The following PBX3 variants were observed in gnomAD, a reference collection of about 807,000 sequenced individuals.
PBX3 encodes pre-B-cell leukemia transcription factor 3.
Under a neutral mutation model 48.5 loss-of-function variants are expected in PBX3, and 14 were observed. That is an observed-to-expected ratio of 0.29 (90% CI 0.19 to 0.45). The LOEUF (loss-of-function observed/expected upper bound fraction) is 0.45, where lower values mean the gene tolerates loss of function less well. Among genes scored for constraint, PBX3 ranks in the 20% least tolerant of loss-of-function variants. The pLI, the probability that PBX3 is intolerant of heterozygous loss-of-function variation, is 1.00. For synonymous variants in PBX3, 210 were observed against 200.3 expected (o/e 1.05, Z -0.41); for missense variants, 386 against 546.7 (o/e 0.71, Z 2.93).
At position 125,772,701 on chromosome 9, in the gene PBX3, C is replaced by T. The variant is rs149729291; in HGVS notation, c.274+24078C>T. 8.9e-4 allele frequency among the ~76,000 whole-genome samples: 135 copies of T among 152,284 alleles called. No homozygotes were observed. In the Middle Eastern group the frequency reaches 0.024, roughly 27 times the overall value. ...TGTATGTACAGGACCTAATGTGATA[C>T]GTGGTATGTAATAGATGCTTAATAA... On this transcript the variant is annotated intron_variant, in intron 2 of 8. Transcript: ENST00000373489.
chr9:125,870,566 G>A (rs1438009492), intron 2 of PBX3, among the ~76,000 whole-genome samples: 1 of 152,118 alleles, frequency 6.6e-6, no homozygotes, highest in Non-Finnish European at 1.5e-5. Context: ...ACCCACTCCC[G>A]TGATTCAGTT....
At chr9:125,804,947 T>TAAA (rs547253775) in intron 2 of PBX3, among the ~76,000 whole-genome samples, 7 of 53,478 alleles carry the variant, frequency 1.3e-4, no homozygotes, top group Non-Finnish European at 1.9e-4. Flanking sequence ...GGCTCTGTCT[T>TAAA]AAAAAAAAAA....
chr9:125,879,234 C>T (rs1453747461), intron 2 of PBX3, among the ~76,000 whole-genome samples: 1 of 151,904 alleles, frequency 6.6e-6, no homozygotes, highest in Non-Finnish European at 1.5e-5. Context: ...CACTCCACCA[C>T]GCCCGGCTAA....
At chr9:125,874,137 TC>T (rs1170684827) in intron 2 of PBX3, among the ~76,000 whole-genome samples, 2 of 152,112 alleles carry the variant, frequency 1.3e-5, no homozygotes, top group African/African-American at 4.8e-5. Flanking sequence ...AATGAGTAAA[TC>T]CTGTCTCAAG....
chr9:125,840,570 A>C (rs981029568), intron 2 of PBX3, among the ~76,000 whole-genome samples: 2 of 151,794 alleles, frequency 1.3e-5, no homozygotes, highest in African/African-American at 4.8e-5. Flanking sequence ...CCTTTAAAGA[A>C]CTGGCCATTT....
At chr9:125,839,003 G>A (rs549724121) in intron 2 of PBX3, among the ~76,000 whole-genome samples, 93 of 152,264 alleles carry the variant, frequency 6.1e-4, no homozygotes, top group African/African-American at 2.2e-3. Context: ...CTTAACACAC[G>A]GAGGGGAATG....
rs1398832399 is a variant in PBX3, at chr9:125,835,051, AG to A, written c.275-80632del. Among the ~76,000 whole-genome samples, 97 of 108,054 alleles carry A rather than the reference AG, an allele frequency of 9.0e-4. 3 individuals carry two copies. Among genetic ancestry groups the A allele is most frequent in the Admixed American group, 1.8e-3 (17 of 9,468 alleles). 70.9% of individuals were successfully genotyped at this position (108,054 alleles called of 152,430 possible). A position where few individuals can be genotyped will look rare whatever the true frequency, so the allele number is the denominator to read the frequency against. ...AAAAAAAAAAAAAAAAAAAAAAAAA[AG>A]GGCAAAAGATATGAAAAGACAAGTA... On this transcript the variant is annotated intron_variant, in intron 2 of 8. Transcript: ENST00000373489.
intron 5 of PBX3, among the ~76,000 whole-genome samples, chr9:125,940,434 T>C (rs1841935852): frequency 6.6e-6 from 1 of 152,260 alleles, no homozygotes; most frequent in African/African-American, 2.4e-5. Flanking sequence ...ATGCTGATTA[T>C]GTGCCAAATA....
At chr9:125,960,901 A>G (rs1412567986) in intron 6 of PBX3, 52 bp downstream of exon 6, 44 of 1,572,008 alleles carry the variant, frequency 2.8e-5, no homozygotes, top group Non-Finnish European at 3.7e-5. Context: ...TTATGCCACA[A>G]TGCCCTGTCC....
chr9:125,937,742 A>T (rs972153989), intron 5 of PBX3, among the ~76,000 whole-genome samples: 1 of 152,150 alleles, frequency 6.6e-6, no homozygotes, highest in African/African-American at 2.4e-5. Context: ...AGCTCACTGT[A>T]ACTTTGAACT....
At chr9:125,861,239 C>T (rs533547774) in intron 2 of PBX3, among the ~76,000 whole-genome samples, 3 of 152,032 alleles carry the variant, frequency 2.0e-5, no homozygotes, top group African/African-American at 7.2e-5. Flanking sequence ...AGGCTGCAAG[C>T]AGTGAGCCGT....
intron 2 of PBX3, among the ~76,000 whole-genome samples, chr9:125,796,160 G>A (rs1296335874): frequency 6.6e-6 from 1 of 152,150 alleles, no homozygotes; most frequent in Non-Finnish European, 1.5e-5. Context: ...AACTGGACTT[G>A]GCATGTATTC....
chr9:125,855,744 T>C (rs117629389), intron 2 of PBX3, among the ~76,000 whole-genome samples: 123 of 152,276 alleles, frequency 8.1e-4, no homozygotes, highest in Non-Finnish European at 1.5e-3. Context: ...GGCAATAAAG[T>C]CTAATAGAAA....
intron 2 of PBX3, among the ~76,000 whole-genome samples, chr9:125,838,581 C>G (rs1182442975): frequency 6.6e-6 from 1 of 152,190 alleles, no homozygotes; most frequent in Non-Finnish European, 1.5e-5. Context: ...TATGAAAAAT[C>G]TGTCAAATCA....
intron 2 of PBX3, among the ~76,000 whole-genome samples, chr9:125,855,528 A>T (rs560769895): frequency 6.6e-6 from 1 of 152,030 alleles, no homozygotes; most frequent in Non-Finnish European, 1.5e-5. Flanking sequence ...TTTTCTTTTT[A>T]AAAAAATTCC....
chr9:125,844,314 A>G (rs991720889), intron 2 of PBX3, among the ~76,000 whole-genome samples: 11 of 146,372 alleles, frequency 7.5e-5, no homozygotes, highest in Non-Finnish European at 1.7e-4. Flanking sequence ...TTTAAACTTT[A>G]GGATTTAAAA....
intron 2 of PBX3, among the ~76,000 whole-genome samples, chr9:125,832,340 C>T (rs767267578): frequency 4.6e-5 from 7 of 151,912 alleles, no homozygotes; most frequent in Non-Finnish European, 7.4e-5. Flanking sequence ...GGACTACAGG[C>T]GCCCGCCACC....
intron 2 of PBX3, among the ~76,000 whole-genome samples, chr9:125,871,302 G>A (rs1295784199): frequency 1.3e-5 from 2 of 149,322 alleles, no homozygotes; most frequent in Non-Finnish European, 3.0e-5. Context: ...TGAGGCAGAA[G>A]AATCACTTGA....
At chr9:125,870,850 TCAAAAATTA>T (rs1287341510) in intron 2 of PBX3, among the ~76,000 whole-genome samples, 1 of 152,144 alleles carries the variant, frequency 6.6e-6, no homozygotes, top group African/African-American at 2.4e-5. Flanking sequence ...TACCAAATTG[TCAAAAATTA>T]CAAAGTCTTA....
Sources: allele counts gnomAD v4.1 joint callset (sites outside exome capture counted in the v4.1 genomes callset), GRCh38; gene constraint gnomAD v4.1.1; transcripts MANE v1.5; gene names NCBI Gene and HGNC (gene_info 2026-07-23, HGNC 2026-07-21).